BAIAP2: variants seen among roughly 807,000 people sequenced by gnomAD.
BAIAP2 encodes the protein BAR/IMD domain containing adaptor protein 2.
In BAIAP2, 18 loss-of-function variants were observed where a neutral mutation model predicts 63.0. That is an observed-to-expected ratio of 0.29 (90% CI 0.20 to 0.42). The LOEUF is 0.42. Among genes scored for constraint, BAIAP2 ranks in the 10% least tolerant of loss-of-function variants. BAIAP2 has a pLI of 1.00. For synonymous variants in BAIAP2, 386 were observed against 307.6 expected (o/e 1.25, Z -2.67); for missense variants, 610 against 734.3 (o/e 0.83, Z 1.96).
chr17:81,093,866 G>A (rs900139976), intron 6 of BAIAP2, among the ~76,000 whole-genome samples: 23 of 152,172 alleles, frequency 1.5e-4, no homozygotes, highest in African/African-American at 5.3e-4. Flanking sequence ...GGCGACGTGC[G>A]GGGGGTGTGA....
chr17:81,091,865 T>G (rs973229591), intron 6 of BAIAP2, among the ~76,000 whole-genome samples: 5 of 152,228 alleles, frequency 3.3e-5, no homozygotes, highest in African/African-American at 1.2e-4. Flanking sequence ...TCTCTGGCCC[T>G]GCATGTCCCT....
chr17:81,046,222 A>G lies in BAIAP2; in HGVS notation c.55-7446A>G, dbSNP rs1176383468. On this transcript the variant is annotated intron_variant, in intron 1 of 13. Transcript: ENST00000428708. This position sits in a 1 kb window ranked among gnomAD's most constrained non-coding sequence, Gnocchi z 4.5. ...CAGCCCACCTTCAGGCCCCCGTCCT[A>G]ACCCTGCGCGCCGTTTCCTCCCAGA... Among the ~76,000 whole-genome samples the G allele has an allele frequency of 2.0e-5, 3 of 152,032 alleles. No individual in the cohort carries two copies. The highest frequency in any genetic ancestry group is 2.9e-5 in the Non-Finnish European group (2 of 67,984).
intron 6 of BAIAP2, among the ~76,000 whole-genome samples, chr17:81,099,549 C>T (rs1328525241): frequency 1.3e-5 from 2 of 152,236 alleles, no homozygotes; most frequent in African/African-American, 4.8e-5. Context: ...GGAGCTGGGG[C>T]GCATCCACAC....
intron 3 of BAIAP2, among the ~76,000 whole-genome samples, chr17:81,059,123 G>C (rs1182080880): frequency 1.3e-5 from 2 of 150,108 alleles, no homozygotes; most frequent in African/African-American, 2.5e-5. Flanking sequence ...CCTCATCGGA[G>C]CCCCCCCCCC....
chr17:81,052,282 G>A (rs902273432), intron 1 of BAIAP2, among the ~76,000 whole-genome samples: 3 of 152,232 alleles, frequency 2.0e-5, no homozygotes, highest in Admixed American at 6.5e-5. Context: ...CTGCGGAAGC[G>A]CTGGCCCTCC....
Position 81,105,401 on chromosome 17 carries a change from G to A in BAIAP2, c.1269-677G>A, listed in dbSNP as rs771583063. 1.6e-3 allele frequency: 253 copies of A among 154,016 alleles called. 1 individual carries two copies. Among genetic ancestry groups the A allele is most frequent in the Non-Finnish European group, 2.8e-3 (196 of 69,246 alleles). The allele number at this position is 154,016 out of a possible 1,614,324, so 9.5% of individuals were successfully genotyped here. On this transcript the variant is annotated intron_variant, in intron 10 of 13. Coordinates refer to ENST00000428708, the MANE Select transcript of BAIAP2 (RefSeq NM_001144888.2). ...AGTTCGCAGGTGCAGAGCAGGGCTTGGCCATCCTGAGACCGCAGGCTTTCT... is the reference window on the plus strand; with the variant it reads ...AGTTCGCAGGTGCAGAGCAGGGCTTAGCCATCCTGAGACCGCAGGCTTTCT...
At chr17:81,059,499 A>G (rs12944246) in intron 3 of BAIAP2, among the ~76,000 whole-genome samples, 27,472 of 152,158 alleles carry the variant, frequency 0.18, 2,669 homozygotes, top group South Asian at 0.21. Flanking sequence ...CCAGGCTGGA[A>G]TGCAGAACTA....
rs762949363 is a variant in BAIAP2, at chr17:81,053,728, G to A, written c.115G>A (p.Glu39Lys). The change falls in exon 2 of 14, where the codon GAG becomes AAG. Residue 39 changes from glutamate (E) to lysine (K), a missense_variant. Glu to Lys is a moderately conservative substitution (Grantham distance 56). Transcript: ENST00000428708. Reference protein sequence around the residue: ...RNFIAMGKNYEKALAGVTYAA... With the variant: ...RNFIAMGKNYKKALAGVTYAA... The stretch of plus-strand genomic sequence containing the variant: ...CTTCATCGCCATGGGGAAGAATTAC[G>A]AGAAGGCACTGGCAGGTGGAACTGC... 3 of 1,614,016 alleles carry A rather than the reference G, an allele frequency of 1.9e-6. No homozygotes were observed. Among genetic ancestry groups the A allele is most frequent in the African/African-American group, 1.3e-5 (1 of 74,934 alleles).
chr17:81,070,624 C>T (rs1351191465), intron 3 of BAIAP2, among the ~76,000 whole-genome samples: 1 of 152,188 alleles, frequency 6.6e-6, no homozygotes, highest in Non-Finnish European at 1.5e-5. Flanking sequence ...GGGAGCTGGG[C>T]TTGGCCAGGT....
In BAIAP2 at chr17:81,105,834, G is replaced by A. The variant is rs1415329146; in HGVS notation, c.1269-244G>A. 8.0e-5 allele frequency: 36 copies of A among 447,274 alleles called. No homozygotes were observed. In the East Asian group the frequency reaches 1.3e-3, roughly 16 times the overall value. 27.7% of individuals were successfully genotyped at this position (447,274 alleles called of 1,614,324 possible). ...GCCCGGGCTCTGGGGCCTTGCAGTT[G>A]GGTCTGGTGGGGCCGGCAGCTCCCA... is the stretch of plus-strand genomic sequence containing the variant. On this transcript the variant is annotated intron_variant, in intron 10 of 13. Transcript: ENST00000428708.
intron 6 of BAIAP2, among the ~76,000 whole-genome samples, chr17:81,089,410 G>A (rs1459098617): frequency 6.6e-6 from 1 of 152,248 alleles, no homozygotes; most frequent in Non-Finnish European, 1.5e-5. Flanking sequence ...TCAGTGCTGT[G>A]GTCCACGGTC....
chr17:81,116,651 C>A lies in BAIAP2; in HGVS notation c.*812C>A, dbSNP rs1242896150. 8.4e-6 allele frequency: 3 copies of A among 358,216 alleles called. No individual in the cohort carries two copies. Among genetic ancestry groups the A allele is most frequent in the African/African-American group, 4.1e-5 (2 of 49,038 alleles). 22.2% of individuals were successfully genotyped at this position (358,216 alleles called of 1,614,324 possible). ...GACTCCTGGGTGGACCTCCCCCCCC[C>A]ACCTCCGCTGACTCCTGCAGGCACT... On this transcript the variant is annotated 3_prime_UTR_variant, in exon 14 of 14. Coordinates refer to ENST00000428708, the MANE Select transcript of BAIAP2 (RefSeq NM_001144888.2).
intron 6 of BAIAP2, among the ~76,000 whole-genome samples, chr17:81,095,677 T>C (rs1485564632): frequency 6.6e-6 from 1 of 152,038 alleles, no homozygotes; most frequent in Non-Finnish European, 1.5e-5. Context: ...GCCTTGCTGC[T>C]CTGGGAACAT....
intron 3 of BAIAP2, among the ~76,000 whole-genome samples, chr17:81,071,253 C>T (rs1476581036): frequency 6.6e-6 from 1 of 152,184 alleles, no homozygotes; most frequent in Admixed American, 6.5e-5. Flanking sequence ...CCCGAGGTGG[C>T]GTCCTTGGGC....
chr17:81,115,056 C>T (rs1214873631), intron 13 of BAIAP2, among the ~76,000 whole-genome samples: 1 of 152,262 alleles, frequency 6.6e-6, no homozygotes, highest in African/African-American at 2.4e-5. Context: ...AAGAGAAAGG[C>T]TCAGGCATCC....
intron 3 of BAIAP2, 149 bp from the exon 4 acceptor site, chr17:81,084,683 C>G: frequency 1.4e-6 from 1 of 722,990 alleles, no homozygotes; most frequent in Non-Finnish European, 2.5e-6. Context: ...TGTCCCCTCT[C>G]CGCCCTCCCT....
At chr17:81,061,109 G>A (rs1014072385) in intron 3 of BAIAP2, among the ~76,000 whole-genome samples, 1 of 152,222 alleles carries the variant, frequency 6.6e-6, no homozygotes, top group Non-Finnish European at 1.5e-5. Flanking sequence ...GGGAGACAGA[G>A]CGAGACTCCG....
chr17:81,114,266 G>T (rs530007226), intron 13 of BAIAP2, among the ~76,000 whole-genome samples: 66 of 151,104 alleles, frequency 4.4e-4, no homozygotes, highest in African/African-American at 1.6e-3. Context: ...GAGCCACTAT[G>T]CCCAGCCAGC....
rs1399545076 is a variant in BAIAP2 at position 81,116,846 on chromosome 17, C to CCACT, written c.*1011_*1014dup. ...CAGCAGAGCTCACTCCCGCCTACAG[C>CCACT]CACTCACACCCCGGGGACAGGAAGC... On this transcript the variant is annotated 3_prime_UTR_variant, in exon 14 of 14. Coordinates refer to ENST00000428708, the MANE Select transcript of BAIAP2 (RefSeq NM_001144888.2). 4 of 155,720 alleles carry CCACT rather than the reference C, an allele frequency of 2.6e-5. No individual in the cohort carries two copies. Among genetic ancestry groups the CCACT allele is most frequent in the East Asian group, 3.7e-4 (2 of 5,334 alleles). The allele number at this position is 155,720 out of a possible 1,614,324, so 9.6% of individuals were successfully genotyped here.
Sources: gnomAD v4.1 joint callset for allele counts (sites outside exome capture counted in the v4.1 genomes callset) on GRCh38, gnomAD v4.1.1 for gene constraint, Gnocchi (gnomAD v3.1) non-coding constraint, MANE v1.5 for transcripts, NCBI Gene and HGNC (gene_info 2026-07-23, HGNC 2026-07-21) for gene names.